Variants in PAPPA observed in about 807,000 individuals in gnomAD.
PAPPA encodes pappalysin-1.
A neutral mutation model predicts 164.0 loss-of-function variants in PAPPA; 60 were observed. The observed-to-expected ratio is 0.37, with a 90% CI of 0.30 to 0.45. The LOEUF (loss-of-function observed/expected upper bound fraction) is 0.45, where lower values mean the gene tolerates loss of function less well. Among genes scored for constraint, PAPPA ranks in the 20% least tolerant of loss-of-function variants. PAPPA has a pLI of 1.00. For synonymous variants in PAPPA, 875 were observed against 814.1 expected (o/e 1.07, Z -1.27); for missense variants, 1,782 against 2,087.3 (o/e 0.85, Z 2.85).
At chr9:116,286,929 G>A (rs1845346830) in intron 9 of PAPPA, 1 of 152,060 alleles carries the variant, frequency 6.6e-6, no homozygotes, top group South Asian at 2.1e-4. Flanking sequence ...GCTGGTCATT[G>A]ACACCAGCTA....
At chr9:116,296,264 C>A (rs1292659476) in intron 9 of PAPPA, among the ~76,000 whole-genome samples, 2 of 152,196 alleles carry the variant, frequency 1.3e-5, no homozygotes, top group East Asian at 3.8e-4. Context: ...GTTTGTAGTA[C>A]TATCATGGTA....
intron 10 of PAPPA, among the ~76,000 whole-genome samples, chr9:116,321,273 C>A (rs59070470): frequency 6.6e-6 from 1 of 152,106 alleles, no homozygotes; most frequent in Admixed American, 6.5e-5. Context: ...GTGATCCGCC[C>A]GCCTCAGCCT....
intron 21 of PAPPA, among the ~76,000 whole-genome samples, chr9:116,390,256 G>T (rs1184341514): frequency 6.6e-6 from 1 of 152,126 alleles, no homozygotes; most frequent in African/African-American, 2.4e-5. Context: ...GGTCCAGAAG[G>T]TATTTCCCAG....
At chr9:116,194,285 C>T (rs11999679) in intron 2 of PAPPA, among the ~76,000 whole-genome samples, 8,696 of 152,190 alleles carry the variant, frequency 0.057, 690 homozygotes, top group African/African-American at 0.18. Flanking sequence ...ATCTGACTGC[C>T]TGGATCACAC....
intron 12 of PAPPA, 138 bp downstream of exon 12, chr9:116,332,606 T>A: frequency 1.3e-6 from 1 of 769,454 alleles, no homozygotes; most frequent in Non-Finnish European, 2.1e-6. Flanking sequence ...TTTGGCATTC[T>A]GGTTGCCCTC....
chr9:116,156,817 C>G (rs1466105515), intron 1 of PAPPA, among the ~76,000 whole-genome samples: 1 of 152,192 alleles, frequency 6.6e-6, no homozygotes, highest in African/African-American at 2.4e-5. Flanking sequence ...AGCAAACAAA[C>G]AGAGGTTCTT....
At chr9:116,173,811 G>T (rs1843800348) in intron 1 of PAPPA, among the ~76,000 whole-genome samples, 1 of 152,134 alleles carries the variant, frequency 6.6e-6, no homozygotes, top group Non-Finnish European at 1.5e-5. Flanking sequence ...GCACCTTCTT[G>T]TCAGAATCAA....
chr9:116,295,029 A>T lies in PAPPA; in HGVS notation c.2954-7728A>T, dbSNP rs932800368. ...AATCTTTGCTTTCTCCTTGAGCTCT[A>T]AATTAGTGACTAAGAACTCTCATCT... On this transcript the variant is annotated intron_variant, in intron 9 of 21. Coordinates refer to ENST00000328252, the MANE Select transcript of PAPPA (RefSeq NM_002581.5). 3.9e-5 allele frequency among the ~76,000 whole-genome samples: 6 copies of T among 152,278 alleles called. No individual in the cohort carries two copies. In the East Asian group the frequency reaches 1.2e-3, roughly 29 times the overall value.
intron 4 of PAPPA, among the ~76,000 whole-genome samples, chr9:116,213,868 G>A (rs760190410): frequency 9.2e-5 from 14 of 152,168 alleles, no homozygotes; most frequent in Non-Finnish European, 1.5e-4. Context: ...TAGATGAGGT[G>A]ACAAAAGCAG....
At chr9:116,220,403 C>T (rs1321561050) in intron 5 of PAPPA, among the ~76,000 whole-genome samples, 2 of 151,374 alleles carry the variant, frequency 1.3e-5, no homozygotes, top group Non-Finnish European at 2.9e-5. Flanking sequence ...TTGCTACAGA[C>T]CTCTTCTGGG....
chr9:116,240,678 C>T (rs1041657152), intron 7 of PAPPA, among the ~76,000 whole-genome samples: 2 of 152,148 alleles, frequency 1.3e-5, no homozygotes, highest in East Asian at 3.8e-4. Flanking sequence ...TGTAGGTGGT[C>T]CTATCCCCAG....
chr9:116,379,539 TCATCCATCCATCCATC>T (rs60827972), intron 20 of PAPPA, among the ~76,000 whole-genome samples: 9 of 149,792 alleles, frequency 6.0e-5, no homozygotes, highest in East Asian at 2.0e-4. Context: ...TTCTTGCCTG[TCATCCATCCATCCATC>T]CATCCATCCA....
chr9:116,395,061 A>G (rs1422388841), intron 21 of PAPPA, among the ~76,000 whole-genome samples: 1 of 152,150 alleles, frequency 6.6e-6, no homozygotes, highest in East Asian at 1.9e-4. Context: ...GCACTGTGTG[A>G]GGTGTTTTCA....
intron 7 of PAPPA, among the ~76,000 whole-genome samples, chr9:116,240,346 AAC>A (rs1317665512): frequency 6.6e-6 from 1 of 152,188 alleles, no homozygotes; most frequent in African/African-American, 2.4e-5. Context: ...AAGAAACAGA[AAC>A]ACAGAGTCAG....
At chr9:116,202,364 A>T (rs1198341212) in intron 2 of PAPPA, among the ~76,000 whole-genome samples, 1 of 152,166 alleles carries the variant, frequency 6.6e-6, no homozygotes, top group African/African-American at 2.4e-5. Flanking sequence ...CTTACCAACG[A>T]GTGAGATGCA....
chr9:116,209,222 T>C (rs1053673884), intron 3 of PAPPA, among the ~76,000 whole-genome samples: 2 of 152,134 alleles, frequency 1.3e-5, no homozygotes, highest in African/African-American at 4.8e-5. Flanking sequence ...ATGCCTAGTA[T>C]GATATATGGG....
chr9:116,273,856 C>G (rs1165561413), intron 9 of PAPPA, among the ~76,000 whole-genome samples: 1 of 152,180 alleles, frequency 6.6e-6, no homozygotes, highest in African/African-American at 2.4e-5. Context: ...CTGTTGTTCT[C>G]TACCAGATTC....
intron 7 of PAPPA, among the ~76,000 whole-genome samples, chr9:116,248,852 CATG>C (rs1376937222): frequency 6.6e-6 from 1 of 152,156 alleles, no homozygotes; most frequent in Non-Finnish European, 1.5e-5. Context: ...GTCAGAAAAT[CATG>C]ATAATACACA....
chr9:116,267,606 G>A (rs1387277464), intron 8 of PAPPA, among the ~76,000 whole-genome samples: 2 of 152,130 alleles, frequency 1.3e-5, no homozygotes, highest in African/African-American at 4.8e-5. Context: ...GGGTGCGGTG[G>A]CTCACGCCTG....
Sources: gnomAD v4.1 joint callset for allele counts (sites outside exome capture counted in the v4.1 genomes callset) on GRCh38, gnomAD v4.1.1 for gene constraint, MANE v1.5 for transcripts, NCBI Gene and HGNC (gene_info 2026-07-23, HGNC 2026-07-21) for gene names.